The following PELI1 variants were observed in gnomAD, a reference collection of about 807,000 sequenced individuals.
The protein encoded by PELI1 is E3 ubiquitin-protein ligase pellino homolog 1.
In PELI1, 15 loss-of-function variants were observed where a neutral mutation model predicts 41.3. That is an observed-to-expected ratio of 0.36 (90% CI 0.24 to 0.56). PELI1 has a LOEUF of 0.56. Ranked by LOEUF, PELI1 falls within the 20% of genes least tolerant of loss-of-function variation. The pLI is 0.82. For synonymous variants in PELI1, 178 were observed against 180.1 expected (o/e 0.99, Z 0.09); for missense variants, 403 against 525.5 (o/e 0.77, Z 2.28).
chr2:64,124,864 C>T (rs899611645), intron 1 of PELI1, among the ~76,000 whole-genome samples: 1 of 152,174 alleles, frequency 6.6e-6, no homozygotes, highest in African/African-American at 2.4e-5. Context: ...CCACAAGACT[C>T]CCCTAAGTTC....
At chr2:64,135,046 T>A (rs1308284505) in intron 1 of PELI1, among the ~76,000 whole-genome samples, 1 of 152,138 alleles carries the variant, frequency 6.6e-6, no homozygotes, top group Non-Finnish European at 1.5e-5. Context: ...GTCAAAGAGA[T>A]GCTCAACAGA....
At chr2:64,113,453 T>G (rs1353468432) in intron 1 of PELI1, among the ~76,000 whole-genome samples, 3 of 152,194 alleles carry the variant, frequency 2.0e-5, no homozygotes. Context: ...CCCAATGTTA[T>G]CTAGCACCAA....
intron 6 of PELI1, among the ~76,000 whole-genome samples, chr2:64,095,593 TGTTTA>T (rs1680206109): frequency 6.6e-6 from 1 of 152,196 alleles, no homozygotes; most frequent in Non-Finnish European, 1.5e-5. Flanking sequence ...GAGGGAGTGC[TGTTTA>T]GTTTAAGAAA....
intron 1 of PELI1, among the ~76,000 whole-genome samples, chr2:64,131,309 T>TAC (rs1374273199): frequency 3.3e-5 from 5 of 151,010 alleles, no homozygotes; most frequent in African/African-American, 1.2e-4. Context: ...AATTCATATA[T>TAC]ATATATACAC....
chr2:64,140,647 A>G (rs1681872905), intron 1 of PELI1, among the ~76,000 whole-genome samples: 4 of 152,150 alleles, frequency 2.6e-5, no homozygotes, highest in Admixed American at 6.5e-5. Context: ...CATCCATTCA[A>G]GAAACACTGT....
chr2:64,094,574 G>T lies in PELI1; in HGVS notation c.*128C>A. The T allele has an allele frequency of 1.7e-6, 1 of 577,212 alleles. No individual in the cohort carries two copies. Among genetic ancestry groups the T allele is most frequent in the Non-Finnish European group, 3.0e-6 (1 of 335,180 alleles). The allele number at this position is 577,212 out of a possible 1,614,324, so 35.8% of individuals were successfully genotyped here. A position where few individuals can be genotyped will look rare whatever the true frequency, so the allele number is the denominator to read the frequency against. ...GAAATTGCTACTATTTATTATAAAT[G>T]TTTTAAAAAATTCTTCATCTTAATG... On this transcript the variant is annotated 3_prime_UTR_variant, in exon 7 of 7. Transcript: ENST00000358912.
chr2:64,136,435 G>A (rs72893160), intron 1 of PELI1, among the ~76,000 whole-genome samples: 3,468 of 152,214 alleles, frequency 0.023, 114 homozygotes, highest in African/African-American at 0.077. Flanking sequence ...AACTCTGAGT[G>A]AATTAAAGAA....
At chr2:64,100,743 T>C (rs1680399188) in intron 3 of PELI1, among the ~76,000 whole-genome samples, 1 of 152,100 alleles carries the variant, frequency 6.6e-6, no homozygotes, top group Non-Finnish European at 1.5e-5. Context: ...TCTTTTTTTT[T>C]AAAGACAGAG....
At chr2:64,097,560 A>G (rs1680286016) in intron 4 of PELI1, among the ~76,000 whole-genome samples, 1 of 152,210 alleles carries the variant, frequency 6.6e-6, no homozygotes, top group Non-Finnish European at 1.5e-5. Flanking sequence ...AAGTTGAAAG[A>G]AAAAAGGAAA....
intron 2 of PELI1, among the ~76,000 whole-genome samples, 183 bp from the exon 3 acceptor site, chr2:64,105,013 G>GA (rs1251524712): frequency 1.3e-5 from 2 of 152,168 alleles, no homozygotes; most frequent in African/African-American, 4.8e-5. Context: ...GAAACAAAAT[G>GA]AGATTCTTTT....
At chr2:64,140,098 A>G (rs1159475946) in intron 1 of PELI1, among the ~76,000 whole-genome samples, 2 of 152,234 alleles carry the variant, frequency 1.3e-5, no homozygotes, top group East Asian at 3.8e-4. Context: ...ATAATAGAAA[A>G]AGAAACTGCA....
chr2:64,111,502 A>C (rs574875905), intron 1 of PELI1, among the ~76,000 whole-genome samples: 91 of 152,250 alleles, frequency 6.0e-4, no homozygotes, highest in African/African-American at 2.0e-3. Context: ...TACACTAAAA[A>C]CACCTCTCGT....
chr2:64,095,099 T>C lies in PELI1; in HGVS notation c.860A>G (p.Asn287Ser), dbSNP rs746121973. 8.7e-6 allele frequency: 14 copies of C among 1,614,086 alleles called. No homozygotes were observed. The highest frequency in any genetic ancestry group is 6.6e-5 in the South Asian group (6 of 91,092). ...AARPQCPVGF[N>S]TLAFPSMKRK... ...CTTCATACTAGGAAATGCTAGTGTG[T>C]TGAACCCTACAGGGCACTGAGGTCG... Residue 287 changes from asparagine to serine, a missense_variant, in exon 7 of 7, where the codon AAC becomes AGC. Asn to Ser is a conservative substitution (Grantham distance 46, BLOSUM62 1). Coordinates refer to ENST00000358912, the MANE Select transcript of PELI1 (RefSeq NM_020651.4).
chr2:64,129,350 T>C (rs1681482068), intron 1 of PELI1, among the ~76,000 whole-genome samples: 1 of 152,192 alleles, frequency 6.6e-6, no homozygotes, highest in African/African-American at 2.4e-5. Flanking sequence ...CAGAACAATC[T>C]TTTGTATAGA....
At chr2:64,119,365 C>G (rs1221161387) in intron 1 of PELI1, among the ~76,000 whole-genome samples, 1 of 152,184 alleles carries the variant, frequency 6.6e-6, no homozygotes, top group African/African-American at 2.4e-5. Context: ...AATGAAGCCA[C>G]AGAACACATA....
intron 4 of PELI1, among the ~76,000 whole-genome samples, chr2:64,097,304 C>A (rs796757091): frequency 7.9e-5 from 12 of 152,296 alleles, no homozygotes; most frequent in African/African-American, 2.9e-4. Flanking sequence ...AATCAAATAA[C>A]CTATTTCAGA....
intron 1 of PELI1, among the ~76,000 whole-genome samples, chr2:64,126,647 A>G (rs1681396116): frequency 6.6e-6 from 1 of 152,254 alleles, no homozygotes; most frequent in Non-Finnish European, 1.5e-5. Context: ...TGTAAATTAA[A>G]TCAGTATAGA....
chr2:64,108,886 A>G (rs1052880670), intron 1 of PELI1, among the ~76,000 whole-genome samples: 3 of 152,392 alleles, frequency 2.0e-5, no homozygotes, highest in African/African-American at 7.2e-5. Flanking sequence ...AGAAAGGGAC[A>G]GCCTGGCAAG....
chr2:64,143,463 A>G (rs1339639284), intron 1 of PELI1: 2 of 152,112 alleles, frequency 1.3e-5, no homozygotes, highest in Admixed American at 6.5e-5. Context: ...CGTATCCATC[A>G]ATTTGAGAGC....
Sources: gnomAD v4.1 joint callset for allele counts (sites outside exome capture counted in the v4.1 genomes callset) on GRCh38, gnomAD v4.1.1 for gene constraint, MANE v1.5 for transcripts, NCBI Gene and HGNC (gene_info 2026-07-23, HGNC 2026-07-21) for gene names.